Variants in C1QTNF8 observed in about 807,000 individuals in gnomAD.
C1QTNF8 encodes the protein complement C1q tumor necrosis factor-related protein 8.
Under a neutral mutation model 19.2 loss-of-function variants are expected in C1QTNF8, and 27 were observed. The observed-to-expected ratio is 1.41, with a 90% CI of 1.04 to 1.94. The LOEUF (loss-of-function observed/expected upper bound fraction) is 1.94, where lower values mean the gene tolerates loss of function less well. Among genes scored for constraint, C1QTNF8 ranks in the 30% most tolerant of loss-of-function variants. C1QTNF8 has a pLI of 0.00. For synonymous variants in C1QTNF8, 208 were observed against 172.8 expected (o/e 1.20, Z -1.60); for missense variants, 484 against 374.4 (o/e 1.29, Z -2.42).
Position 1,093,816 on chromosome 16 carries a change from G to A in C1QTNF8, c.444C>T (p.Ala148=). The change falls in exon 4 of 5, where the codon GCC becomes GCT. Residue 148 remains alanine, a synonymous_variant. Coordinates refer to ENST00000328449, the MANE Select transcript of C1QTNF8 (RefSeq NM_207419.3). The part of the protein sequence containing the change: ...FDTELVNLDG[A]FDLAAGRFLC... ...GGAAGCGGCCCGCGGCCAGGTCGAAGGCGCCGTCCAGGTTCACCAGCTCCG... is the reference window on the plus strand; with the variant it reads ...GGAAGCGGCCCGCGGCCAGGTCGAAAGCGCCGTCCAGGTTCACCAGCTCCG... The A allele has an allele frequency of 6.2e-7, 1 of 1,610,236 alleles. No homozygotes were observed. Among genetic ancestry groups the A allele is most frequent in the Non-Finnish European group, 8.5e-7 (1 of 1,179,602 alleles).
In C1QTNF8 at chr16:1,093,855, C is replaced by A; in HGVS notation, c.405G>T (p.Ala135=). 2 of 1,603,770 alleles carry A rather than the reference C, an allele frequency of 1.2e-6. No individual in the cohort carries two copies. The highest frequency in any genetic ancestry group is 2.2e-5 in the East Asian group (1 of 44,780). Residue 135 remains alanine, a synonymous_variant, in exon 4 of 5, where the codon GCG becomes GCT. Coordinates refer to ENST00000328449, the MANE Select transcript of C1QTNF8 (RefSeq NM_207419.3). ...EGLHSSDHFQ[A]VPFDTELVNL... ...TCACCAGCTCCGTGTCGAAGGGCAC[C>A]GCCTGGAAGTGGTCGGAGCTGTGCA... is the stretch of plus-strand genomic sequence containing the variant.
chr16:1,093,711 CATG>C lies in C1QTNF8; in HGVS notation c.546_548del (p.Ile182del), dbSNP rs766242607. The C allele has an allele frequency of 2.5e-5, 40 of 1,611,718 alleles. No homozygotes were observed. In the South Asian group the frequency reaches 4.0e-4, roughly 16 times the overall value. Reference sequence around the variant, plus strand: ...GCACGGCCGCGGGCCGCCGGTTCAGCATGATGTGCAGGTAGGTCTCCTTGTAGT... The same window carrying C: ...GCACGGCCGCGGGCCGCCGGTTCAGCATGTGCAGGTAGGTCTCCTTGTAGT... On this transcript the variant is annotated inframe_deletion, in exon 4 of 5. Coordinates refer to ENST00000328449, the MANE Select transcript of C1QTNF8 (RefSeq NM_207419.3).
At chr16:1,093,385 C>G in intron 4 of C1QTNF8, 112 bp downstream of exon 4, 2 of 416,790 alleles carry the variant, frequency 4.8e-6, no homozygotes, top group Non-Finnish European at 4.2e-6. Context: ...CCCACCCCAC[C>G]ACACCCACAC....
At position 1,089,827 on chromosome 16, in the gene C1QTNF8, C is replaced by T. The variant is rs905188173; in HGVS notation, c.*772G>A. ...CCAATCTCCCCTCGGCCCACCCCTT[C>T]CTGTTCGGGCGCCTTTCTCTCTAAG... On this transcript the variant is annotated 3_prime_UTR_variant, in exon 5 of 5. Transcript: ENST00000328449. 5.9e-5 allele frequency among the ~76,000 whole-genome samples: 9 copies of T among 152,236 alleles called. No homozygotes were observed. Among genetic ancestry groups the T allele is most frequent in the African/African-American group, 1.7e-4 (7 of 41,454 alleles).
rs886676160 is a variant in C1QTNF8, at chr16:1,089,510, C to A, written c.*1089G>T. On this transcript the variant is annotated 3_prime_UTR_variant, in exon 5 of 5. Transcript: ENST00000328449. The stretch of plus-strand genomic sequence containing the variant: ...GTCCCCGACAGAGGCCTTTGCGCAC[C>A]CCCTGCTGCACGGGAAGCTGAGGCG... 3.9e-5 allele frequency among the ~76,000 whole-genome samples: 6 copies of A among 152,232 alleles called. No individual in the cohort carries two copies. Among genetic ancestry groups the A allele is most frequent in the African/African-American group, 1.4e-4 (6 of 41,470 alleles).
Position 1,093,919 on chromosome 16 carries a change from C to T in C1QTNF8, c.341G>A (p.Arg114His), listed in dbSNP as rs767100547. 9.9e-6 allele frequency: 15 copies of T among 1,520,588 alleles called. No individual in the cohort carries two copies. Among genetic ancestry groups the T allele is most frequent in the Admixed American group, 4.3e-5 (2 of 46,268 alleles). 94.2% of individuals were successfully genotyped at this position (1,520,588 alleles called of 1,614,324 possible). ...GCCCACGGAGAAGGCGGCGTAGGCA[C>T]GTCGGCACGCGGCGCCCGGCGGCCC... ...QVGPPGAACR[R>H]AYAAFSVGRR... Residue 114 changes from arginine (R) to histidine (H), a missense_variant, in exon 4 of 5, where the codon CGT (arginine) becomes CAT (histidine). Physicochemically the swap from Arg to His is conservative, Grantham distance 29. Coordinates refer to ENST00000328449, the MANE Select transcript of C1QTNF8 (RefSeq NM_207419.3).
At chr16:1,094,205 G>A (rs1001577332) in intron 3 of C1QTNF8, among the ~76,000 whole-genome samples, 154 bp from the exon 4 acceptor site, 1 of 152,208 alleles carries the variant, frequency 6.6e-6, no homozygotes, top group Non-Finnish European at 1.5e-5. Context: ...GTCCACGTCT[G>A]TAAGATGGGG....
chr16:1,093,924 G>A lies in C1QTNF8; in HGVS notation c.336C>T (p.Cys112=). 1 of 1,512,068 alleles carries A rather than the reference G, an allele frequency of 6.6e-7. No homozygotes were observed. The highest frequency in any genetic ancestry group is 8.8e-7 in the Non-Finnish European group (1 of 1,141,500). The allele number at this position is 1,512,068 out of a possible 1,614,324, so 93.7% of individuals were successfully genotyped here. A position where few individuals can be genotyped will look rare whatever the true frequency, so the allele number is the denominator to read the frequency against. The stretch of plus-strand genomic sequence containing the variant: ...CGGAGAAGGCGGCGTAGGCACGTCG[G>A]CACGCGGCGCCCGGCGGCCCCACCT... ...KGQVGPPGAA[C]RRAYAAFSVG... The change falls in exon 4 of 5, where the codon TGC becomes TGT. Residue 112 remains cysteine (C), a synonymous_variant. Coordinates refer to ENST00000328449, the MANE Select transcript of C1QTNF8 (RefSeq NM_207419.3).
intron 4 of C1QTNF8, 127 bp downstream of exon 4, chr16:1,093,370 G>GCCCC: frequency 1.2e-5 from 5 of 417,556 alleles, no homozygotes; most frequent in East Asian, 4.8e-5. Context: ...AAGCTCCGCT[G>GCCCC]CCCGCCCACC....
At chr16:1,093,230 A>G (rs71380234) in intron 4 of C1QTNF8, among the ~76,000 whole-genome samples, 10 of 92,560 alleles carry the variant, frequency 1.1e-4, no homozygotes, top group Admixed American at 1.1e-3. Flanking sequence ...AACCAATCAC[A>G]GCACACAGTC....
intron 4 of C1QTNF8, among the ~76,000 whole-genome samples, chr16:1,093,185 G>A (rs1596243720): frequency 2.9e-5 from 4 of 139,104 alleles, no homozygotes; most frequent in South Asian, 2.4e-4. Flanking sequence ...GCACACAGTC[G>A]GCGCTCAACC....
At chr16:1,093,005 C>G (rs74960758) in intron 4 of C1QTNF8, among the ~76,000 whole-genome samples, 1,084 of 55,380 alleles carry the variant, frequency 0.02, no homozygotes, top group African/African-American at 0.023. Context: ...CAATCAATCC[C>G]TGCACACAGT....
At chr16:1,096,118 C>T (rs1012805486) in intron 1 of C1QTNF8, 38 bp downstream of exon 1, 1 of 152,328 alleles carries the variant, frequency 6.6e-6, no homozygotes, top group Non-Finnish European at 1.5e-5. Flanking sequence ...AGCCCCAGGC[C>T]CTGTGCTTCC....
chr16:1,093,484 C>T lies in C1QTNF8; in HGVS notation c.*4+13G>A, dbSNP rs369814697. 1,863 of 1,491,088 alleles carry T rather than the reference C, an allele frequency of 1.2e-3. 3 individuals carry two copies. Among genetic ancestry groups the T allele is most frequent in the Non-Finnish European group, 1.5e-3 (1,649 of 1,120,398 alleles). The allele number at this position is 1,491,088 out of a possible 1,614,324, so 92.4% of individuals were successfully genotyped here. On this transcript the variant is annotated intron_variant, in intron 4 of 4. Coordinates refer to ENST00000328449, the MANE Select transcript of C1QTNF8 (RefSeq NM_207419.3). Reference sequence around the variant, plus strand: ...CGCGCGCGCGCCCGGTGCTCAGCCGCGGGGCCCCTCACCCGGCTACAGCTC... The same window carrying T: ...CGCGCGCGCGCCCGGTGCTCAGCCGTGGGGCCCCTCACCCGGCTACAGCTC...
chr16:1,093,565 C>CCGTAGATGG lies in C1QTNF8; in HGVS notation c.686_694dup (p.Ala229_Tyr231dup), dbSNP rs1234965129. Reference sequence around the variant, plus strand: ...GGTGATGTAGAGGTCTCCGTGCTCGCCGTAGATGGCGTTGTCCCGGTCGCG... The same window carrying CCGTAGATGG: ...GGTGATGTAGAGGTCTCCGTGCTCGCCGTAGATGGCGTAGATGGCGTTGTCCCGGTCGCG... On this transcript the variant is annotated inframe_insertion, in exon 4 of 5. Transcript: ENST00000328449. 1.3e-6 allele frequency: 2 copies of CCGTAGATGG among 1,593,366 alleles called. No homozygotes were observed. Among genetic ancestry groups the CCGTAGATGG allele is most frequent in the Non-Finnish European group, 8.6e-7 (1 of 1,168,834 alleles).
rs1255429089 is a variant in C1QTNF8 at position 1,090,321 on chromosome 16, C to T, written c.*278G>A. 6.6e-6 allele frequency: 1 copy of T among 152,438 alleles called. No individual in the cohort carries two copies. The highest frequency in any genetic ancestry group is 2.4e-5 in the African/African-American group (1 of 41,456). The allele number at this position is 152,438 out of a possible 1,614,324, so 9.4% of individuals were successfully genotyped here. ...GGGTGGCGCAGCCGGGACAGAGCCC[C>T]TCTCCCTGCAGAGGGGCCATGTGTG... On this transcript the variant is annotated 3_prime_UTR_variant, in exon 5 of 5. Transcript: ENST00000328449.
At chr16:1,092,397 A>G (rs1960565544) in intron 4 of C1QTNF8, among the ~76,000 whole-genome samples, 1 of 150,252 alleles carries the variant, frequency 6.7e-6, no homozygotes, top group Non-Finnish European at 1.5e-5. Context: ...CCCTGCACAC[A>G]GTCGGCGCTC....
intron 4 of C1QTNF8, among the ~76,000 whole-genome samples, chr16:1,092,500 C>A (rs1228545574): frequency 6.5e-4 from 87 of 134,660 alleles, no homozygotes; most frequent in African/African-American, 2.0e-3. Context: ...TCAACCAATC[C>A]CTGCACACAG....
In C1QTNF8 at chr16:1,094,795, C is replaced by G; in HGVS notation, c.128G>C (p.Ser43Thr). Residue 43 changes from serine (S) to threonine (T), a missense_variant, in exon 3 of 5, where the codon AGT (serine) becomes ACT (threonine). Transcript: ENST00000328449. ...AWPPGPYARV[S>T]DRDLWRGDLW... is the part of the protein sequence containing the mutation. The stretch of plus-strand genomic sequence containing the variant: ...GTCCCCCCTCCACAGGTCCCTGTCA[C>G]TCACCCGGGCATAGGGTCCAGGGGG... 6.5e-7 allele frequency: 1 copy of G among 1,534,574 alleles called. No homozygotes were observed. The highest frequency in any genetic ancestry group is 8.8e-7 in the Non-Finnish European group (1 of 1,141,638).
Sources: gnomAD v4.1 joint callset for allele counts (sites outside exome capture counted in the v4.1 genomes callset) on GRCh38, gnomAD v4.1.1 for gene constraint, MANE v1.5 for transcripts, NCBI Gene and HGNC (gene_info 2026-07-23, HGNC 2026-07-21) for gene names.